ENO1: variants seen among roughly 807,000 people sequenced by gnomAD.
ENO1 encodes the protein enolase 1, also known as alpha-enolase.
In ENO1, 33 loss-of-function variants were observed where a neutral mutation model predicts 46.3. The observed-to-expected ratio is 0.71, with a 90% CI of 0.54 to 0.95. The LOEUF (loss-of-function observed/expected upper bound fraction) is 0.95, where lower values mean the gene tolerates loss of function less well. ENO1 is among the 40% of genes least tolerant of loss of function. The probability of loss-of-function intolerance (pLI) is 0.00; values close to 1 mark genes in which losing one functional copy is unlikely to be tolerated. For synonymous variants in ENO1, 220 were observed against 216.0 expected, an observed-to-expected ratio of 1.02 and a Z score of -0.16; for missense variants, 488 against 553.3, an observed-to-expected ratio of 0.88 and a Z score of 1.18.
Position 8,874,856 on chromosome 1 carries a change from G to A in ENO1, c.53C>T (p.Pro18Leu). The A allele has an allele frequency of 6.2e-7, 1 of 1,613,690 alleles. No individual in the cohort carries two copies. Among genetic ancestry groups the A allele is most frequent in the Non-Finnish European group, 8.5e-7 (1 of 1,179,800 alleles). Residue 18 changes from proline (P) to leucine (L), a missense_variant, in exon 2 of 12, where the codon CCC becomes CTC. By Grantham distance (98) the Pro-to-Leu change is moderately conservative. Coordinates refer to ENST00000234590, the MANE Select transcript of ENO1 (RefSeq NM_001428.5). ...AREIFDSRGN[P>L]TVEVDLFTSK... is the part of the protein sequence containing the mutation. ...GGTGAAGAGATCAACCTCAACAGTG[G>A]GATTCCCGCGAGAGTCAAAGATCTC...
intron 7 of ENO1, chr1:8,865,956 C>T (rs1358675743): frequency 5.9e-6 from 2 of 336,570 alleles, no homozygotes; most frequent in Admixed American, 4.7e-5. Flanking sequence ...GCCAGCAGGA[C>T]AGACGGACAG....
intron 11 of ENO1, among the ~76,000 whole-genome samples, chr1:8,861,880 TAAAAA>T (rs749592337): frequency 2.7e-5 from 3 of 112,586 alleles, no homozygotes; most frequent in Admixed American, 2.0e-4. Flanking sequence ...ATCTTGATGT[TAAAAA>T]AAAAAAAAAA....
Position 8,861,268 on chromosome 1 carries a change from G to C in ENO1, c.*92C>G. The C allele has an allele frequency of 7.5e-7, 1 of 1,339,836 alleles. No individual in the cohort carries two copies. The highest frequency in any genetic ancestry group is 1.2e-5 in the South Asian group (1 of 84,232). The allele number at this position is 1,339,836 out of a possible 1,614,324, so 83.0% of individuals were successfully genotyped here. A position where few individuals can be genotyped will look rare whatever the true frequency, so the allele number is the denominator to read the frequency against. ...CGCTAACTAGCAGGGACCCCTGCAA[G>C]TGTTGGTCGGGGGCCTCGAGCTGCC... is the stretch of plus-strand genomic sequence containing the variant. On this transcript the variant is annotated 3_prime_UTR_variant, in exon 12 of 12. Transcript: ENST00000234590.
chr1:8,874,017 A>G (rs747677833), intron 2 of ENO1: 4 of 152,232 alleles, frequency 2.6e-5, no homozygotes, highest in Admixed American at 6.5e-5. Context: ...CCTCCAGACT[A>G]TTCCAAAGCC....
At chr1:8,874,749 C>T in intron 2 of ENO1, 75 bp downstream of exon 2, 1 of 1,337,316 alleles carries the variant, frequency 7.5e-7, no homozygotes, top group South Asian at 1.3e-5. Flanking sequence ...TTTCCTAAGG[C>T]TCCAGCATTT....
rs765364110 is a variant in ENO1 at position 8,865,290 on chromosome 1, T to G, written c.860A>C (p.Tyr287Ser). ...GGCACTCGGGGAACACTCACCTGGGTAGTCCTTGATGAAGGACTTGTACAG... is the reference window on the plus strand; with the variant it reads ...GGCACTCGGGGAACACTCACCTGGGGAGTCCTTGATGAAGGACTTGTACAG... ...ADLYKSFIKD[Y>S]PVVSIEDPFD... is the part of the protein sequence containing the mutation. The change falls in exon 8 of 12, where the codon TAC becomes TCC. Residue 287 changes from tyrosine (Y) to serine (S), a missense_variant. Transcript: ENST00000234590. The G allele has an allele frequency of 5.8e-5, 93 of 1,613,930 alleles. No individual in the cohort carries two copies. Among genetic ancestry groups the G allele is most frequent in the Admixed American group, 4.7e-4 (28 of 59,996 alleles).
intron 4 of ENO1, among the ~76,000 whole-genome samples, chr1:8,868,357 C>CA (rs899278423): frequency 3.4e-4 from 52 of 152,226 alleles, no homozygotes; most frequent in African/African-American, 1.2e-3. Flanking sequence ...ACTTTACACC[C>CA]AAGAGAACTG....
At chr1:8,862,215 G>T (rs1312254458) in intron 11 of ENO1, among the ~76,000 whole-genome samples, 1 of 152,166 alleles carries the variant, frequency 6.6e-6, no homozygotes, top group Non-Finnish European at 1.5e-5. Context: ...AGCTATGACT[G>T]CCCCACTGCA....
chr1:8,872,626 G>A (rs1642657383), intron 2 of ENO1, among the ~76,000 whole-genome samples: 1 of 152,048 alleles, frequency 6.6e-6, no homozygotes, highest in Admixed American at 6.6e-5. Flanking sequence ...CAGGTGATCT[G>A]CCCACCTCGG....
At chr1:8,870,590 T>A in intron 3 of ENO1, 80 bp from the exon 4 acceptor site, 2 of 1,595,690 alleles carry the variant, frequency 1.3e-6, no homozygotes, top group South Asian at 1.1e-5. Context: ...GAACCACTGT[T>A]GAGGCCGACG....
chr1:8,864,214 G>A (rs1239776538), intron 8 of ENO1, 122 bp from the exon 9 acceptor site: 6 of 1,066,220 alleles, frequency 5.6e-6, no homozygotes, highest in Admixed American at 5.2e-5. Context: ...AAAAGCATAG[G>A]ATGGGGACAG....
At chr1:8,872,077 A>T in intron 2 of ENO1, 91 bp from the exon 3 acceptor site, 2 of 1,069,402 alleles carry the variant, frequency 1.9e-6, no homozygotes, top group East Asian at 4.8e-5. Flanking sequence ...TGCATTTGTC[A>T]TTAGGGAGCT....
intron 2 of ENO1, among the ~76,000 whole-genome samples, chr1:8,872,304 T>C (rs561671996): frequency 1.2e-4 from 18 of 152,196 alleles, no homozygotes; most frequent in Non-Finnish European, 2.5e-4. Flanking sequence ...CAAGCTCGCA[T>C]TGGTGCCCTG....
At chr1:8,863,057 A>G in intron 10 of ENO1, 112 bp from the exon 11 acceptor site, 2 of 1,432,940 alleles carry the variant, frequency 1.4e-6, no homozygotes, top group Non-Finnish European at 1.9e-6. Context: ...GATGCTAGGA[A>G]AGTGGGGGCC....
Position 8,861,208 on chromosome 1 carries a change from T to A in ENO1, c.*152A>T. 1 of 715,788 alleles carries A rather than the reference T, an allele frequency of 1.4e-6. No individual in the cohort carries two copies. The highest frequency in any genetic ancestry group is 2.3e-6 in the Non-Finnish European group (1 of 438,644). 44.3% of individuals were successfully genotyped at this position (715,788 alleles called of 1,614,324 possible). A position where few individuals can be genotyped will look rare whatever the true frequency, so the allele number is the denominator to read the frequency against. On this transcript the variant is annotated 3_prime_UTR_variant, in exon 12 of 12. Coordinates refer to ENST00000234590, the MANE Select transcript of ENO1 (RefSeq NM_001428.5). The stretch of plus-strand genomic sequence containing the variant: ...CAGGGAGCTTGGCTTCTGTAGAAGT[T>A]CTAAGGAAGCGGTACGAACTCCACG...
chr1:8,870,779 G>A, intron 3 of ENO1: 1 of 1,404,598 alleles, frequency 7.1e-7, no homozygotes. Flanking sequence ...GCAAGACCAT[G>A]CACTGGAAAC....
chr1:8,873,253 G>A (rs553468839), intron 2 of ENO1, among the ~76,000 whole-genome samples: 1 of 152,278 alleles, frequency 6.6e-6, no homozygotes, highest in South Asian at 2.1e-4. Context: ...CATGTGCAGA[G>A]GCAGTGGGTA....
At chr1:8,869,152 C>T (rs1642580987) in intron 4 of ENO1, among the ~76,000 whole-genome samples, 1 of 152,160 alleles carries the variant, frequency 6.6e-6, no homozygotes, top group Non-Finnish European at 1.5e-5. Context: ...ATCACTGCAA[C>T]AGGCAGGCAG....
intron 3 of ENO1, chr1:8,871,240 A>C (rs1642626064): frequency 9.8e-7 from 1 of 1,021,070 alleles, no homozygotes; most frequent in Non-Finnish European, 1.2e-6. Flanking sequence ...CCCTCCCTGC[A>C]GCCTTTTTGG....
Sources: gnomAD v4.1 joint callset for allele counts (sites outside exome capture counted in the v4.1 genomes callset) on GRCh38, gnomAD v4.1.1 for gene constraint, MANE v1.5 for transcripts, NCBI Gene and HGNC (gene_info 2026-07-23, HGNC 2026-07-21) for gene names.